The following NLRP3 variants were observed in gnomAD, a reference collection of about 807,000 sequenced individuals.
The protein encoded by NLRP3 is NACHT, LRR and PYD domains-containing protein 3.
Under a neutral mutation model 91.3 loss-of-function variants are expected in NLRP3, and 48 were observed. The ratio of observed to expected loss-of-function variants is 0.53; its 90% CI spans 0.42 to 0.67. NLRP3 has a LOEUF of 0.67. Ranked by LOEUF, NLRP3 falls within the 30% of genes least tolerant of loss-of-function variation. The pLI is 0.00. For missense variants in NLRP3, 982 were observed against 1,276.9 expected, an observed-to-expected ratio of 0.77 and a Z score of 3.52; for synonymous variants, 561 against 507.9, an observed-to-expected ratio of 1.10 and a Z score of -1.41.
At chr1:247,448,237 G>A (rs1005581095) in intron 9 of NLRP3, among the ~76,000 whole-genome samples, 168 bp from the exon 10 acceptor site, 1 of 151,068 alleles carries the variant, frequency 6.6e-6, no homozygotes, top group Non-Finnish European at 1.5e-5. Flanking sequence ...CGGCGGCGAG[G>A]ACGCGGAGCA....
chr1:247,419,247 C>G (rs186723401), intron 2 of NLRP3, among the ~76,000 whole-genome samples, 170 bp downstream of exon 2: 1 of 151,676 alleles, frequency 6.6e-6, no homozygotes, highest in African/African-American at 2.4e-5. Flanking sequence ...CTCCACCTCC[C>G]GGGTTCAAGC....
chr1:247,429,520 C>T, intron 4 of NLRP3, 65 bp from the exon 5 acceptor site: 2 of 1,584,088 alleles, frequency 1.3e-6, no homozygotes, highest in Non-Finnish European at 1.7e-6. Flanking sequence ...ACCCCGGCCC[C>T]CAGCTCCAGT....
chr1:247,444,888 A>C (rs1664491505), intron 9 of NLRP3, 67 bp downstream of exon 9: 1 of 1,534,612 alleles, frequency 6.5e-7, no homozygotes, highest in Non-Finnish European at 9.0e-7. Context: ...GACTGTTATC[A>C]AAATCCAGGA....
In NLRP3 at chr1:247,418,925, G is replaced by A. The variant is rs745630984; in HGVS notation, c.125G>A (p.Gly42Asp). The A allele has an allele frequency of 1.2e-6, 2 of 1,614,144 alleles. No homozygotes were observed. Among genetic ancestry groups the A allele is most frequent in the East Asian group, 2.2e-5 (1 of 44,870 alleles). Residue 42 changes from glycine (G) to aspartate (D), a missense_variant, in exon 2 of 10, where the codon GGT becomes GAT. By Grantham distance (94) the Gly-to-Asp change is moderately conservative (BLOSUM62 -1). Transcript: ENST00000336119. Reference sequence around the variant, plus strand: ...AAGGGCTGCATCCCCCTCCCGAGGGGTCAGACAGAGAAGGCAGACCATGTG... The same window carrying A: ...AAGGGCTGCATCCCCCTCCCGAGGGATCAGACAGAGAAGGCAGACCATGTG... Reference protein sequence around the residue: ...PQKGCIPLPRGQTEKADHVDL... With the variant: ...PQKGCIPLPRDQTEKADHVDL...
At position 247,441,201 on chromosome 1, in the gene NLRP3, C is replaced by CT. The variant is rs1553292352; in HGVS notation, c.2664-2771_2664-2770insT. Among the ~76,000 whole-genome samples the CT allele has an allele frequency of 8.8e-3, 1,132 of 128,554 alleles. 24 individuals carry two copies. Among genetic ancestry groups the CT allele is most frequent in the African/African-American group, 0.025 (847 of 34,174 alleles). 84.3% of individuals were successfully genotyped at this position (128,554 alleles called of 152,430 possible). ...TCTCCCTTCCCTTCCCCTCCCCCCC[C>CT]CCTTTCCCTTTCCCCTTTCCTTTCC... On this transcript the variant is annotated intron_variant, in intron 7 of 9. Transcript: ENST00000336119.
At chr1:247,434,540 A>T (rs1663646994) in intron 6 of NLRP3, among the ~76,000 whole-genome samples, 1 of 152,198 alleles carries the variant, frequency 6.6e-6, no homozygotes, top group Non-Finnish European at 1.5e-5. Context: ...GCTGACAAAA[A>T]GAAAAAATCA....
Position 247,424,850 on chromosome 1 carries a change from C to T in NLRP3, c.1401C>T (p.Leu467=), listed in dbSNP as rs141637807. ...GCCTCTGCGCCCACCTCTGGGGGCT[C>T]TGCTCTTTGGCTGCAGATGGAATCT... ...EHGLCAHLWG[L]CSLAADGIWN... is the part of the protein sequence containing the mutation. Residue 467 remains leucine, a synonymous_variant, in exon 4 of 10, where the codon CTC becomes CTT. Transcript: ENST00000336119. This position sits in a 1 kb window ranked among gnomAD's most constrained non-coding sequence, Gnocchi z 8.1. The T allele has an allele frequency of 3.9e-4, 624 of 1,608,102 alleles. No homozygotes were observed. Among genetic ancestry groups the T allele is most frequent in the Non-Finnish European group, 4.8e-4 (568 of 1,179,996 alleles).
intron 7 of NLRP3, among the ~76,000 whole-genome samples, chr1:247,436,771 A>G (rs1038058883): frequency 3.3e-5 from 5 of 152,178 alleles, no homozygotes; most frequent in Non-Finnish European, 5.9e-5. Flanking sequence ...TGGCAGTTAC[A>G]TAAGCCTTTT....
Position 247,418,571 on chromosome 1 carries a change from G to A in NLRP3, c.-230G>A, listed in dbSNP as rs371616027. 1.9e-6 allele frequency: 1 copy of A among 537,628 alleles called. No homozygotes were observed. 33.3% of individuals were successfully genotyped at this position (537,628 alleles called of 1,614,324 possible). On this transcript the variant is annotated 5_prime_UTR_variant, in exon 2 of 10. Coordinates refer to ENST00000336119, the MANE Select transcript of NLRP3 (RefSeq NM_001243133.2). ...CCTGCCTTGGCCTCTCAAAGTGCTGGGATTACAGGCGTGAGCCACTGTGCC... is the reference window on the plus strand; with the variant it reads ...CCTGCCTTGGCCTCTCAAAGTGCTGAGATTACAGGCGTGAGCCACTGTGCC...
Position 247,424,972 on chromosome 1 carries a change from AG to A in NLRP3, c.1525del (p.Glu509LysfsTer13). On this transcript the variant is annotated frameshift_variant, in exon 4 of 10. Coordinates refer to ENST00000336119, the MANE Select transcript of NLRP3 (RefSeq NM_001243133.2). LOFTEE classifies it high-confidence loss of function. The surrounding 1 kb of genome is among the most constrained non-coding windows in gnomAD (Gnocchi z 8.1). ...TTCCTGAGGATGAACCTGTTCCAAAAGGAAGTGGACTGCGAGAAGTTCTACA... is the reference window on the plus strand; with the variant it reads ...TTCCTGAGGATGAACCTGTTCCAAAAGAAGTGGACTGCGAGAAGTTCTACA... ...SAFLRMNLFQKEVDCEKFYSF... is the reference protein window; with the variant it reads ...SAFLRMNLFQXEVDCEKFYSF... The A allele has an allele frequency of 6.2e-7, 1 of 1,614,194 alleles. No individual in the cohort carries two copies. Among genetic ancestry groups the A allele is most frequent in the Non-Finnish European group, 8.5e-7 (1 of 1,180,034 alleles).
At chr1:247,426,565 T>G (rs1450396001) in intron 4 of NLRP3, among the ~76,000 whole-genome samples, 1 of 152,208 alleles carries the variant, frequency 6.6e-6, no homozygotes, top group Non-Finnish European at 1.5e-5. Context: ...TCAGCTTTCT[T>G]GATCCGTTGA....
At chr1:247,445,498 CG>C (rs1447828959) in intron 9 of NLRP3, among the ~76,000 whole-genome samples, 1 of 152,114 alleles carries the variant, frequency 6.6e-6, no homozygotes, top group Non-Finnish European at 1.5e-5. Flanking sequence ...CCGTGCCTGG[CG>C]GTTTCTGAGG....
At chr1:247,438,390 T>G (rs964868209) in intron 7 of NLRP3, among the ~76,000 whole-genome samples, 4 of 144,308 alleles carry the variant, frequency 2.8e-5, no homozygotes, top group Admixed American at 7.1e-5. Context: ...TTTTTTTTTT[T>G]TTTTTTTTTT....
intron 7 of NLRP3, among the ~76,000 whole-genome samples, chr1:247,438,360 C>T (rs1663941187): frequency 6.8e-6 from 1 of 148,064 alleles, no homozygotes; most frequent in Non-Finnish European, 1.5e-5. Context: ...CTGGGGATTT[C>T]ACGACTGGTT....
Position 247,444,160 on chromosome 1 carries a change from T to C in NLRP3, c.2834+18T>C. ...GTGTTGGAGTAAGTCCTTTGGTTTA[T>C]TACAGCAATGAGAACACATGGTGGC... On this transcript the variant is annotated intron_variant, in intron 8 of 9. Coordinates refer to ENST00000336119, the MANE Select transcript of NLRP3 (RefSeq NM_001243133.2). 6.2e-7 allele frequency: 1 copy of C among 1,614,030 alleles called. No homozygotes were observed. The highest frequency in any genetic ancestry group is 8.5e-7 in the Non-Finnish European group (1 of 1,179,896).
intron 6 of NLRP3, among the ~76,000 whole-genome samples, chr1:247,435,417 C>T (rs940057200): frequency 2.7e-4 from 41 of 152,188 alleles, no homozygotes; most frequent in African/African-American, 9.9e-4. Flanking sequence ...GTACACACTA[C>T]AACATGGATG....
intron 2 of NLRP3, among the ~76,000 whole-genome samples, chr1:247,419,830 A>G (rs926366343): frequency 5.3e-5 from 8 of 152,230 alleles, no homozygotes; most frequent in African/African-American, 1.9e-4. Context: ...GTTGATGAAC[A>G]CCTGGATTAC....
intron 7 of NLRP3, 100 bp from the exon 8 acceptor site, chr1:247,443,872 G>T (rs925467337): frequency 4.4e-6 from 5 of 1,139,566 alleles, no homozygotes; most frequent in African/African-American, 1.5e-5. Context: ...TGAGCTGAAG[G>T]CTGCAGCTGC....
intron 2 of NLRP3, among the ~76,000 whole-genome samples, chr1:247,420,349 T>A (rs1441405500): frequency 1.3e-5 from 2 of 152,230 alleles, no homozygotes; most frequent in African/African-American, 4.8e-5. Flanking sequence ...TATTTTCTCC[T>A]ATTCTGTGGG....
Sources: allele counts gnomAD v4.1 joint callset (sites outside exome capture counted in the v4.1 genomes callset), GRCh38; gene constraint gnomAD v4.1.1; non-coding constraint Gnocchi (gnomAD v3.1); transcripts MANE v1.5; gene names NCBI Gene and HGNC (gene_info 2026-07-23, HGNC 2026-07-21).